Variants in PSMD12 observed in about 807,000 individuals in gnomAD.
PSMD12 encodes the protein 26S proteasome non-ATPase regulatory subunit 12.
PSMD12 carries 8 observed loss-of-function variants against 62.9 expected under a neutral mutation model. The observed-to-expected ratio is 0.13, with a 90% CI of 0.07 to 0.23. PSMD12 has a LOEUF of 0.23. Among genes scored for constraint, PSMD12 ranks in the 10% least tolerant of loss-of-function variants. PSMD12 has a pLI of 1.00. For missense variants in PSMD12, 424 were observed against 550.2 expected, an observed-to-expected ratio of 0.77 and a Z score of 2.29; for synonymous variants, 173 against 187.4, an observed-to-expected ratio of 0.92 and a Z score of 0.63.
At chr17:67,355,884 T>C (rs1198464074) in intron 3 of PSMD12, among the ~76,000 whole-genome samples, 1 of 151,722 alleles carries the variant, frequency 6.6e-6, no homozygotes, top group African/African-American at 2.4e-5. Flanking sequence ...TCCCAGCACT[T>C]TGGGAGGCTG....
intron 9 of PSMD12, among the ~76,000 whole-genome samples, chr17:67,343,042 C>T (rs2041930178): frequency 6.6e-6 from 1 of 151,880 alleles, no homozygotes; most frequent in South Asian, 2.1e-4. Flanking sequence ...CTAATTTCAA[C>T]TGGCGATGGT....
intron 3 of PSMD12, among the ~76,000 whole-genome samples, chr17:67,353,259 G>A (rs553547227): frequency 2.6e-5 from 4 of 152,172 alleles, no homozygotes; most frequent in Admixed American, 2.6e-4. Flanking sequence ...TTCATATTAA[G>A]CAATTTAGAA....
intron 9 of PSMD12, 76 bp from the exon 10 acceptor site, chr17:67,342,339 C>T: frequency 2.1e-6 from 2 of 970,442 alleles, no homozygotes; most frequent in Non-Finnish European, 1.6e-6. Flanking sequence ...TTTTCATATC[C>T]AAGTAAGTTT....
rs757796212 is a variant in PSMD12 at position 67,366,392 on chromosome 17, G to GC, written c.108+19dup. Reference sequence around the variant, plus strand: ...ACTCAGCCCCTGGCGCCCGCCAACAGCCAGCCGGCCTCTCCTCACCTTGGC... The same window carrying GC: ...ACTCAGCCCCTGGCGCCCGCCAACAGCCCAGCCGGCCTCTCCTCACCTTGGC... On this transcript the variant is annotated intron_variant, in intron 1 of 10. Transcript: ENST00000356126. The GC allele has an allele frequency of 1.6e-5, 25 of 1,600,682 alleles. No individual in the cohort carries two copies. The Admixed American group carries it at 4.2e-4, about 27-fold the overall frequency.
At chr17:67,364,433 T>A (rs960363739) in intron 1 of PSMD12, among the ~76,000 whole-genome samples, 2 of 152,358 alleles carry the variant, frequency 1.3e-5, no homozygotes, top group Non-Finnish European at 2.9e-5. Context: ...AGCAGTGAAG[T>A]CTTTTTTCTT....
At position 67,360,174 on chromosome 17, in the gene PSMD12, GT is replaced by G. The variant is rs553966711; in HGVS notation, c.109-2597del. 3.2e-4 allele frequency among the ~76,000 whole-genome samples: 49 copies of G among 152,294 alleles called. 1 individual carries two copies. The highest frequency in any genetic ancestry group is 1.1e-3 in the African/African-American group (46 of 41,564). On this transcript the variant is annotated intron_variant, in intron 1 of 10. Transcript: ENST00000356126. The stretch of plus-strand genomic sequence containing the variant: ...GGCAACAAAATGAAGGGCAAAAATA[GT>G]TAAAATGCAAAATACTATTTAATGA...
In PSMD12 at chr17:67,340,090, C is replaced by CAAAAAA. The variant is rs34639826; in HGVS notation, c.*747_*752dup. 2 of 71,356 alleles carry CAAAAAA rather than the reference C, an allele frequency of 2.8e-5. No homozygotes were observed. Among genetic ancestry groups the CAAAAAA allele is most frequent in the Non-Finnish European group, 4.9e-5 (2 of 40,742 alleles). The allele number at this position is 71,356 out of a possible 1,614,324, so 4.4% of individuals were successfully genotyped here. ...TAAAGAAAGGGGAGAGGAAGAAGAG[C>CAAAAAA]AAAAAAAAAAAAAAAAAAAAAGTAG... On this transcript the variant is annotated 3_prime_UTR_variant, in exon 11 of 11. Transcript: ENST00000356126.
At position 67,337,925 on chromosome 17, in the gene PSMD12, A is replaced by G. The variant is rs1317900682; in HGVS notation, c.*2918T>C. 2 of 152,250 alleles carry G rather than the reference A, an allele frequency of 1.3e-5. No homozygotes were observed. Among genetic ancestry groups the G allele is most frequent in the Non-Finnish European group, 2.9e-5 (2 of 68,050 alleles). The allele number at this position is 152,250 out of a possible 1,614,324, so 9.4% of individuals were successfully genotyped here. Reference sequence around the variant, plus strand: ...GAACTGAAAAGAGAAGTGATCTTTTAAAGTATGAGTTTATTCTCCAGGTTT... The same window carrying G: ...GAACTGAAAAGAGAAGTGATCTTTTGAAGTATGAGTTTATTCTCCAGGTTT... On this transcript the variant is annotated 3_prime_UTR_variant, in exon 11 of 11. Transcript: ENST00000356126.
intron 1 of PSMD12, 131 bp from the exon 2 acceptor site, chr17:67,357,709 C>G: frequency 1.2e-6 from 1 of 869,176 alleles, no homozygotes; most frequent in Non-Finnish European, 1.8e-6. Flanking sequence ...CTACCCATAA[C>G]TAGTTTTGTT....
chr17:67,359,134 C>A (rs2042106364), intron 1 of PSMD12, among the ~76,000 whole-genome samples: 1 of 152,038 alleles, frequency 6.6e-6, no homozygotes, highest in African/African-American at 2.4e-5. Context: ...GGTGGGAGGA[C>A]ACTTGAGCCC....
At chr17:67,345,940 A>G (rs2041960984) in intron 7 of PSMD12, 83 bp from the exon 8 acceptor site, 3 of 1,261,300 alleles carry the variant, frequency 2.4e-6, no homozygotes, top group Non-Finnish European at 3.4e-6. Context: ...TGGAATAACT[A>G]TATATCCATT....
intron 10 of PSMD12, 71 bp from the exon 11 acceptor site, chr17:67,341,123 CA>C: frequency 5.9e-6 from 7 of 1,192,338 alleles, no homozygotes; most frequent in African/African-American, 1.6e-5. Context: ...TTCAGAAAAG[CA>C]TTTTCTGAAC....
At chr17:67,365,758 C>T (rs996333548) in intron 1 of PSMD12, among the ~76,000 whole-genome samples, 1 of 152,090 alleles carries the variant, frequency 6.6e-6, no homozygotes, top group Admixed American at 6.6e-5. Flanking sequence ...CTCAATCTTA[C>T]TAATTCCTCA....
Position 67,348,607 on chromosome 17 carries a change from A to G in PSMD12, c.453T>C (p.Thr151=). The G allele has an allele frequency of 6.2e-7, 1 of 1,613,814 alleles. No individual in the cohort carries two copies. Residue 151 remains threonine, a synonymous_variant, in exon 5 of 11, where the codon ACT becomes ACC. Coordinates refer to ENST00000356126, the MANE Select transcript of PSMD12 (RefSeq NM_002816.5). ...ERARLTKTLA[T]IKEQNGDVKE... ...TCACATCACCATTTTGTTCTTTTATAGTTGCTAATGTTTTAGTCAGTCGCG... is the reference window on the plus strand; with the variant it reads ...TCACATCACCATTTTGTTCTTTTATGGTTGCTAATGTTTTAGTCAGTCGCG...
At chr17:67,360,805 G>T (rs112327222) in intron 1 of PSMD12, among the ~76,000 whole-genome samples, 1,650 of 152,290 alleles carry the variant, frequency 0.011, 13 homozygotes, top group Middle Eastern at 0.031. Flanking sequence ...GTATTCAGTT[G>T]ATCTCAATGG....
chr17:67,338,898 T>C lies in PSMD12; in HGVS notation c.*1945A>G, dbSNP rs372530075. The C allele has an allele frequency of 1.3e-5, 2 of 152,130 alleles. No individual in the cohort carries two copies. Among genetic ancestry groups the C allele is most frequent in the South Asian group, 2.1e-4 (1 of 4,816 alleles). 9.4% of individuals were successfully genotyped at this position (152,130 alleles called of 1,614,324 possible). A position where few individuals can be genotyped will look rare whatever the true frequency, so the allele number is the denominator to read the frequency against. ...AGAGGAGGAACACTTGCAATCTCTA[T>C]AGCAACCTATTTGGCCAAATAGTCC... On this transcript the variant is annotated 3_prime_UTR_variant, in exon 11 of 11. Transcript: ENST00000356126.
Position 67,340,760 on chromosome 17 carries a change from A to G in PSMD12, c.*83T>C, listed in dbSNP as rs2041905881. 2.6e-6 allele frequency: 3 copies of G among 1,144,942 alleles called. No individual in the cohort carries two copies. Among genetic ancestry groups the G allele is most frequent in the Non-Finnish European group, 3.6e-6 (3 of 836,850 alleles). 70.9% of individuals were successfully genotyped at this position (1,144,942 alleles called of 1,614,324 possible). A position where few individuals can be genotyped will look rare whatever the true frequency, so the allele number is the denominator to read the frequency against. On this transcript the variant is annotated 3_prime_UTR_variant, in exon 11 of 11. Transcript: ENST00000356126. ...AAATTTAAGACAAAGAAGCTTAGAA[A>G]AAAAACCCCAACATATACACCATTA...
chr17:67,348,629 C>T lies in PSMD12; in HGVS notation c.431G>A (p.Arg144Gln), dbSNP rs1465093867. 2 of 1,612,046 alleles carry T rather than the reference C, an allele frequency of 1.2e-6. No individual in the cohort carries two copies. Among genetic ancestry groups the T allele is most frequent in the South Asian group, 1.1e-5 (1 of 90,472 alleles). ...GKIYVEIERARLTKTLATIKE... is the reference protein window; with the variant it reads ...GKIYVEIERAQLTKTLATIKE... ...TATAGTTGCTAATGTTTTAGTCAGT[C>T]GCGCACGCTCAATTTCAACATAAAT... The change falls in exon 5 of 11, where the codon CGA (arginine) becomes CAA (glutamine). Residue 144 changes from arginine to glutamine, a missense_variant. By Grantham distance (43) the Arg-to-Gln change is conservative (BLOSUM62 1). Coordinates refer to ENST00000356126, the MANE Select transcript of PSMD12 (RefSeq NM_002816.5).
chr17:67,340,964 C>A lies in PSMD12; in HGVS notation c.1250G>T (p.Arg417Ile), dbSNP rs2041909178. The A allele has an allele frequency of 5.1e-6, 8 of 1,581,178 alleles. No individual in the cohort carries two copies. Among genetic ancestry groups the A allele is most frequent in the African/African-American group, 1.4e-5 (1 of 72,474 alleles). The change falls in exon 11 of 11, where the codon AGA (arginine) becomes ATA (isoleucine). Residue 417 changes from arginine to isoleucine, a missense_variant. Physicochemically the swap from Arg to Ile is moderately conservative, Grantham distance 97. Coordinates refer to ENST00000356126, the MANE Select transcript of PSMD12 (RefSeq NM_002816.5). ...TAATAAATTATTTGGATCCTTGGGT[C>A]TCTGGAAGTTGATAATTCCTGCTAA... The part of the protein sequence containing the change: ...DRLAGIINFQ[R>I]PKDPNNLLND...
Sources: allele counts gnomAD v4.1 joint callset (sites outside exome capture counted in the v4.1 genomes callset), GRCh38; gene constraint gnomAD v4.1.1; transcripts MANE v1.5; gene names NCBI Gene and HGNC (gene_info 2026-07-23, HGNC 2026-07-21).